Variants in FSIP1 observed in about 807,000 individuals in gnomAD.
The protein encoded by FSIP1 is fibrous sheath interacting protein 1.
A neutral mutation model predicts 60.9 loss-of-function variants in FSIP1; 65 were observed. That is an observed-to-expected ratio of 1.07 (90% CI 0.87 to 1.31). FSIP1 has a LOEUF of 1.31. Among genes scored for constraint, FSIP1 ranks in the 40% most tolerant of loss-of-function variants. The pLI, the probability that FSIP1 is intolerant of heterozygous loss-of-function variation, is 0.00. For missense variants in FSIP1, 675 were observed against 665.5 expected (o/e 1.01, Z -0.16); for synonymous variants, 209 against 221.2 (o/e 0.94, Z 0.49).
At chr15:39,689,859 T>C (rs533416934) in intron 10 of FSIP1, among the ~76,000 whole-genome samples, 1 of 152,368 alleles carries the variant, frequency 6.6e-6, no homozygotes, top group Admixed American at 6.5e-5. Flanking sequence ...ATTATCATTT[T>C]CTACCTTTCT....
chr15:39,681,333 G>C (rs1894153719), intron 10 of FSIP1, among the ~76,000 whole-genome samples: 1 of 151,844 alleles, frequency 6.6e-6, no homozygotes, highest in Admixed American at 6.6e-5. Flanking sequence ...GATTATAGAG[G>C]ACCTTTATTT....
chr15:39,660,717 A>C (rs8034543), intron 10 of FSIP1, among the ~76,000 whole-genome samples: 94,676 of 152,066 alleles, frequency 0.62, 30,925 homozygotes, highest in Non-Finnish European at 0.75. Context: ...TAATATCTTC[A>C]TGCTAAAGTT....
chr15:39,741,916 A>C lies in FSIP1; in HGVS notation c.560-16T>G. ...TGAGAAGGACCTGTTGATTTAAAAAATCACTTGTTCAATGCTCACAAAATA... is the reference window on the plus strand; with the variant it reads ...TGAGAAGGACCTGTTGATTTAAAAACTCACTTGTTCAATGCTCACAAAATA... On this transcript the variant is annotated splice_polypyrimidine_tract_variant and intron_variant, in intron 5 of 11. Coordinates refer to ENST00000350221, the MANE Select transcript of FSIP1 (RefSeq NM_152597.5). 1 of 1,388,996 alleles carries C rather than the reference A, an allele frequency of 7.2e-7. No individual in the cohort carries two copies. Among genetic ancestry groups the C allele is most frequent in the Non-Finnish European group, 1.0e-6 (1 of 978,070 alleles). 86.0% of individuals were successfully genotyped at this position (1,388,996 alleles called of 1,614,324 possible).
At chr15:39,616,455 AAACTT>A (rs143839569) in intron 11 of FSIP1, among the ~76,000 whole-genome samples, 19,802 of 152,134 alleles carry the variant, frequency 0.13, 1,462 homozygotes, top group Non-Finnish European at 0.17. Context: ...AGAAGACAGA[AAACTT>A]AACAGAGGGG....
chr15:39,720,575 T>C (rs536867810), intron 9 of FSIP1, among the ~76,000 whole-genome samples: 1 of 152,208 alleles, frequency 6.6e-6, no homozygotes, highest in Non-Finnish European at 1.5e-5. Flanking sequence ...AAAATATACT[T>C]GTATATAACA....
At chr15:39,734,875 A>T (rs1267121190) in intron 8 of FSIP1, among the ~76,000 whole-genome samples, 1 of 152,166 alleles carries the variant, frequency 6.6e-6, no homozygotes, top group Non-Finnish European at 1.5e-5. Context: ...GCAAAAGCCC[A>T]GCTACATAGT....
intron 9 of FSIP1, among the ~76,000 whole-genome samples, chr15:39,723,076 C>T (rs925268684): frequency 2.0e-5 from 3 of 152,114 alleles, no homozygotes; most frequent in Non-Finnish European, 4.4e-5. Context: ...TGTCACTGTG[C>T]TAAACACTTT....
At chr15:39,661,071 A>C (rs1016376841) in intron 10 of FSIP1, among the ~76,000 whole-genome samples, 1 of 152,232 alleles carries the variant, frequency 6.6e-6, no homozygotes, top group Non-Finnish European at 1.5e-5. Flanking sequence ...CCAATAAAAT[A>C]AATAAATAAA....
At chr15:39,677,702 C>A (rs953117727) in intron 10 of FSIP1, among the ~76,000 whole-genome samples, 1 of 152,088 alleles carries the variant, frequency 6.6e-6, no homozygotes, top group Non-Finnish European at 1.5e-5. Flanking sequence ...GAACGTAGTA[C>A]TAGGCAGTTA....
intron 10 of FSIP1, among the ~76,000 whole-genome samples, chr15:39,700,085 G>C (rs1894994889): frequency 6.6e-6 from 1 of 152,152 alleles, no homozygotes; most frequent in African/African-American, 2.4e-5. Flanking sequence ...TATCTTTATG[G>C]CATTGGCAAA....
chr15:39,730,458 C>G (rs1213905519), intron 8 of FSIP1, among the ~76,000 whole-genome samples: 1 of 152,140 alleles, frequency 6.6e-6, no homozygotes, highest in Non-Finnish European at 1.5e-5. Flanking sequence ...AATAACGTGT[C>G]AAGTAGAGGG....
intron 11 of FSIP1, among the ~76,000 whole-genome samples, chr15:39,609,076 A>T (rs972836423): frequency 6.6e-6 from 1 of 152,192 alleles, no homozygotes; most frequent in Non-Finnish European, 1.5e-5. Flanking sequence ...AAGCCCACTC[A>T]TTATTATCTC....
chr15:39,770,623 T>TAA lies in FSIP1; in HGVS notation c.127-14_127-13insTT. ...TTGCAGTATCGACCTAAAAATAATT[T>TAA]CAAAAAAAAAACAGTTTCCGAAAAT... On this transcript the variant is annotated splice_polypyrimidine_tract_variant and intron_variant, in intron 2 of 11. Transcript: ENST00000350221. 2.2e-5 allele frequency: 29 copies of TAA among 1,338,666 alleles called. 1 individual carries two copies. Among genetic ancestry groups the TAA allele is most frequent in the Admixed American group, 5.7e-5 (2 of 35,146 alleles). The allele number at this position is 1,338,666 out of a possible 1,614,324, so 82.9% of individuals were successfully genotyped here. A position where few individuals can be genotyped will look rare whatever the true frequency, so the allele number is the denominator to read the frequency against.
chr15:39,631,342 G>C (rs889926917), intron 10 of FSIP1, among the ~76,000 whole-genome samples: 2 of 152,160 alleles, frequency 1.3e-5, no homozygotes, highest in Non-Finnish European at 2.9e-5. Context: ...TATGACAATG[G>C]TTTAAGCAAT....
At chr15:39,697,055 C>T (rs1894851417) in intron 10 of FSIP1, among the ~76,000 whole-genome samples, 1 of 151,918 alleles carries the variant, frequency 6.6e-6, no homozygotes, top group Non-Finnish European at 1.5e-5. Context: ...TTCTAGAATG[C>T]CTGAATGCCC....
chr15:39,764,722 A>T (rs560341254), intron 4 of FSIP1, among the ~76,000 whole-genome samples: 2 of 152,326 alleles, frequency 1.3e-5, no homozygotes, highest in African/African-American at 4.8e-5. Flanking sequence ...GAATTTGTTG[A>T]GACAGAAGCA....
intron 8 of FSIP1, among the ~76,000 whole-genome samples, chr15:39,734,882 T>C (rs767180081): frequency 1.3e-5 from 2 of 152,124 alleles, no homozygotes; most frequent in African/African-American, 4.8e-5. Context: ...CCCAGCTACA[T>C]AGTACTTGTA....
At chr15:39,631,486 G>GA in intron 10 of FSIP1, among the ~76,000 whole-genome samples, 1 of 152,334 alleles carries the variant, frequency 6.6e-6, no homozygotes, top group South Asian at 2.1e-4. Context: ...GAAGGGTGCT[G>GA]AAAGTATTCT....
chr15:39,606,916 G>C (rs1890847187), intron 11 of FSIP1, among the ~76,000 whole-genome samples: 1 of 152,154 alleles, frequency 6.6e-6, no homozygotes, highest in Non-Finnish European at 1.5e-5. Context: ...TAGATAATTT[G>C]ATTAAATACT....
Sources: gnomAD v4.1 joint callset for allele counts (sites outside exome capture counted in the v4.1 genomes callset) on GRCh38, gnomAD v4.1.1 for gene constraint, MANE v1.5 for transcripts, NCBI Gene and HGNC (gene_info 2026-07-23, HGNC 2026-07-21) for gene names.